The following SFMBT2 variants were observed in gnomAD, a reference collection of about 807,000 sequenced individuals.
SFMBT2 encodes the protein scm-like with four MBT domains protein 2.
A neutral mutation model predicts 110.1 loss-of-function variants in SFMBT2; 38 were observed. That is an observed-to-expected ratio of 0.35 (90% confidence interval 0.27 to 0.45). The LOEUF (loss-of-function observed/expected upper bound fraction) is 0.45. Ranked by LOEUF, SFMBT2 falls within the 20% of genes least tolerant of loss-of-function variation. The pLI, the probability that SFMBT2 is intolerant of heterozygous loss-of-function variation, is 1.00. For missense variants in SFMBT2, 1,011 were observed against 1,094.9 expected, an observed-to-expected ratio of 0.92 and a Z score of 1.08; for synonymous variants, 425 against 425.4, an observed-to-expected ratio of 1.00 and a Z score of 0.01.
chr10:7,198,183 G>A, intron 14 of SFMBT2: 1 of 981,984 alleles, frequency 1.0e-6, no homozygotes, highest in Non-Finnish European at 1.2e-6. Flanking sequence ...TTGTTTGTTT[G>A]CTTAACAAGA....
intron 16 of SFMBT2, among the ~76,000 whole-genome samples, chr10:7,177,422 T>C (rs1448422159): frequency 2.6e-5 from 4 of 152,206 alleles, no homozygotes; most frequent in Admixed American, 2.6e-4. Context: ...TCTTATTATA[T>C]GGATTGAACC....
intron 9 of SFMBT2, among the ~76,000 whole-genome samples, chr10:7,228,723 CTTTCTTTCTTTCCTTT>C (rs1432185582): frequency 8.5e-4 from 98 of 115,120 alleles, no homozygotes; most frequent in African/African-American, 3.5e-3. Context: ...TTCTTTCTTT[CTTTCTTTCTTTCCTTT>C]CTCTCTCTCT....
At chr10:7,410,434 C>T (rs763083209) in intron 1 of SFMBT2, among the ~76,000 whole-genome samples, 2 of 152,242 alleles carry the variant, frequency 1.3e-5, no homozygotes, top group Non-Finnish European at 2.9e-5. Flanking sequence ...GGCTGCGTCG[C>T]TAAAATGAGT....
intron 9 of SFMBT2, among the ~76,000 whole-genome samples, chr10:7,243,345 G>A (rs1156648803): frequency 1.3e-5 from 2 of 152,194 alleles, no homozygotes; most frequent in Non-Finnish European, 2.9e-5. Flanking sequence ...GGAAACTCCT[G>A]TGGACAGAAG....
rs1837502771 is a variant in SFMBT2, at chr10:7,159,791, T to C, written c.*3979A>G. ...TTAGTTCTATATACAGAAATAAATA[T>C]AAATGGGTGTTCTATAAAATAAGTA... On this transcript the variant is annotated 3_prime_UTR_variant, in exon 21 of 21. Transcript: ENST00000397167. The C allele has an allele frequency of 6.6e-6, 1 of 152,148 alleles. No homozygotes were observed. The highest frequency in any genetic ancestry group is 1.9e-4 in the East Asian group (1 of 5,202). 9.4% of individuals were successfully genotyped at this position (152,148 alleles called of 1,614,324 possible).
intron 4 of SFMBT2, among the ~76,000 whole-genome samples, chr10:7,332,185 T>C (rs764427245): frequency 4.6e-5 from 7 of 152,300 alleles, no homozygotes; most frequent in East Asian, 1.9e-4. Flanking sequence ...TGCAGTTTAT[T>C]GTAGGTTTCT....
intron 4 of SFMBT2, among the ~76,000 whole-genome samples, chr10:7,337,374 A>G (rs1215881272): frequency 6.6e-6 from 1 of 152,174 alleles, no homozygotes; most frequent in Non-Finnish European, 1.5e-5. Flanking sequence ...CCCAAATTTC[A>G]TGTACAATTG....
intron 1 of SFMBT2, among the ~76,000 whole-genome samples, chr10:7,406,577 G>T (rs937985861): frequency 6.6e-6 from 1 of 152,110 alleles, no homozygotes; most frequent in Non-Finnish European, 1.5e-5. Context: ...GGAAGAGTCA[G>T]GAACCTTTTC....
chr10:7,385,827 G>A (rs190485562), intron 1 of SFMBT2, among the ~76,000 whole-genome samples: 1,570 of 152,106 alleles, frequency 0.01, 17 homozygotes, highest in African/African-American at 0.032. Context: ...GTGAAACCCC[G>A]TCTCTACTAA....
chr10:7,201,710 C>T (rs952292376), intron 13 of SFMBT2, among the ~76,000 whole-genome samples: 1 of 152,086 alleles, frequency 6.6e-6, no homozygotes, highest in African/African-American at 2.4e-5. Context: ...TACATTTTGG[C>T]GTATTTTAAA....
At chr10:7,287,004 C>T (rs574835624) in intron 4 of SFMBT2, among the ~76,000 whole-genome samples, 1 of 150,546 alleles carries the variant, frequency 6.6e-6, no homozygotes, top group South Asian at 2.1e-4. Context: ...TTCAGTTATC[C>T]AAGTAGAAAA....
At chr10:7,216,616 G>A (rs1031412331) in intron 11 of SFMBT2, among the ~76,000 whole-genome samples, 3 of 152,072 alleles carry the variant, frequency 2.0e-5, no homozygotes, top group African/African-American at 7.2e-5. Context: ...CCTTGCCAGT[G>A]CCCCATCTGG....
chr10:7,403,371 G>A (rs1056381815), intron 1 of SFMBT2, among the ~76,000 whole-genome samples: 52 of 152,288 alleles, frequency 3.4e-4, no homozygotes, highest in African/African-American at 1.2e-3. Flanking sequence ...GACCAGGCAT[G>A]GTTGCTCACA....
At chr10:7,228,729 TTCTTTCCTTTCTCTCTC>T (rs1564395317) in intron 9 of SFMBT2, among the ~76,000 whole-genome samples, 273 of 90,304 alleles carry the variant, frequency 3.0e-3, no homozygotes, top group African/African-American at 6.5e-3. Context: ...CTTTCTTTCT[TTCTTTCCTTTCTCTCTC>T]TCTCTCTCTC....
chr10:7,240,423 G>A (rs902298225), intron 9 of SFMBT2, among the ~76,000 whole-genome samples: 1 of 152,124 alleles, frequency 6.6e-6, no homozygotes, highest in African/African-American at 2.4e-5. Context: ...CTACTGATAA[G>A]TACTTGAATT....
intron 15 of SFMBT2, among the ~76,000 whole-genome samples, chr10:7,191,074 T>C (rs1838586573): frequency 6.9e-6 from 1 of 145,782 alleles, no homozygotes; most frequent in Non-Finnish European, 1.5e-5. Flanking sequence ...CCCAGCCATG[T>C]GGATCTGTGA....
intron 1 of SFMBT2, among the ~76,000 whole-genome samples, chr10:7,407,346 C>T (rs74577875): frequency 0.024 from 3,588 of 152,050 alleles, 191 homozygotes; most frequent in East Asian, 0.2. Context: ...GGTGTAGACA[C>T]GCTAGTAGGT....
intron 9 of SFMBT2, among the ~76,000 whole-genome samples, chr10:7,242,630 C>T (rs949345438): frequency 1.3e-5 from 2 of 152,094 alleles, no homozygotes; most frequent in Non-Finnish European, 2.9e-5. Context: ...TCCGTAAGGA[C>T]AAATATGGGG....
chr10:7,215,766 C>G, intron 11 of SFMBT2: 1 of 981,056 alleles, frequency 1.0e-6, no homozygotes, highest in Non-Finnish European at 1.2e-6. Context: ...TGCTTCCCTC[C>G]TCCTTCCCTG....
Sources: gnomAD v4.1 joint callset for allele counts (sites outside exome capture counted in the v4.1 genomes callset) on GRCh38, gnomAD v4.1.1 for gene constraint, MANE v1.5 for transcripts, NCBI Gene and HGNC (gene_info 2026-07-23, HGNC 2026-07-21) for gene names.